AKAP13: variants seen among roughly 807,000 people sequenced by gnomAD.
AKAP13 encodes A-kinase anchor protein 13.
Under a neutral mutation model 264.5 loss-of-function variants are expected in AKAP13, and 80 were observed. The ratio of observed to expected loss-of-function variants is 0.30; its 90% CI spans 0.25 to 0.36. The LOEUF is 0.36. Ranked by LOEUF, AKAP13 falls within the 10% of genes least tolerant of loss-of-function variation. The pLI, the probability that AKAP13 is intolerant of heterozygous loss-of-function variation, is 1.00. For synonymous variants in AKAP13, 1,380 were observed against 1,250.2 expected (o/e 1.10, Z -2.19); for missense variants, 3,712 against 3,435.2 (o/e 1.08, Z -2.01).
intron 2 of AKAP13, among the ~76,000 whole-genome samples, chr15:85,491,423 G>A (rs2075719618): frequency 6.6e-6 from 1 of 150,714 alleles, no homozygotes; most frequent in South Asian, 2.1e-4. Context: ...GTCCTTTCTA[G>A]TTGTCATTAA....
At chr15:85,402,301 TC>T (rs1462766445) in intron 1 of AKAP13, among the ~76,000 whole-genome samples, 3 of 152,196 alleles carry the variant, frequency 2.0e-5, no homozygotes, top group Admixed American at 6.5e-5. Context: ...CGAAGACACT[TC>T]CATGGCCAAA....
At chr15:85,621,331 C>T (rs1017603964) in intron 8 of AKAP13, 9 of 152,158 alleles carry the variant, frequency 5.9e-5, no homozygotes, top group Non-Finnish European at 1.2e-4. Context: ...TGCTGGGCCT[C>T]GGCTGCCAGC....
chr15:85,443,112 T>G (rs1171632177), intron 1 of AKAP13, among the ~76,000 whole-genome samples: 1 of 152,148 alleles, frequency 6.6e-6, no homozygotes, highest in Non-Finnish European at 1.5e-5. Context: ...TTTCATGGTT[T>G]AAGAAAGATA....
At position 85,743,740 on chromosome 15, in the gene AKAP13, C is replaced by T. The variant is rs566268425; in HGVS notation, c.8307C>T (p.Ala2769=). The T allele has an allele frequency of 1.9e-6, 3 of 1,614,092 alleles. No individual in the cohort carries two copies. The highest frequency in any genetic ancestry group is 2.5e-6 in the Non-Finnish European group (3 of 1,180,006). ...GQSQAPASTS[A]STRLFGLTKP... The stretch of plus-strand genomic sequence containing the variant: ...GCCAGGCCCCTGCGTCCACCTCTGC[C>T]TCTACCCGCCTGTTTGGGTTAACAA... Residue 2769 remains alanine, a synonymous_variant, in exon 36 of 37, where the codon GCC becomes GCT. Transcript: ENST00000394518.
Position 85,546,321 on chromosome 15 carries a change from AACACACACACACACACAC to A in AKAP13, c.662+2388_662+2405del, listed in dbSNP as rs60271542. Among the ~76,000 whole-genome samples the A allele has an allele frequency of 1.2e-4, 18 of 145,176 alleles. 1 individual carries two copies. The highest frequency in any genetic ancestry group is 1.2e-3 in the Admixed American group (17 of 14,556). ...TAAATTTATATAATTGTTGTTACCA[AACACACACACACACACAC>A]ACACACACACACACACACACAGCCA... is the stretch of plus-strand genomic sequence containing the variant. On this transcript the variant is annotated intron_variant, in intron 5 of 36. Transcript: ENST00000394518.
chr15:85,381,521 CTTTTTTTTTTT>C (rs1168869870), intron 1 of AKAP13, among the ~76,000 whole-genome samples: 8 of 64,290 alleles, frequency 1.2e-4, no homozygotes, highest in South Asian at 6.7e-4. Flanking sequence ...CGGTTTACTG[CTTTTTTTTTTT>C]TTTTTTTTTT....
At chr15:85,636,615 AT>A (rs34550876) in intron 8 of AKAP13, among the ~76,000 whole-genome samples, 120 of 148,448 alleles carry the variant, frequency 8.1e-4, no homozygotes, top group Admixed American at 1.8e-3. Context: ...AATTTTGCTG[AT>A]TTTTTTTTTT....
Position 85,533,354 on chromosome 15 carries a change from A to G in AKAP13, c.182-230A>G, listed in dbSNP as rs12595088. Reference sequence around the variant, plus strand: ...TAGGCATGGTGAAAGCTGGGATACAAAGTTTTTTGTTTTTTGTTAAGGGAA... The same window carrying G: ...TAGGCATGGTGAAAGCTGGGATACAGAGTTTTTTGTTTTTTGTTAAGGGAA... On this transcript the variant is annotated intron_variant, in intron 3 of 36. Transcript: ENST00000394518. 1.3e-3 allele frequency among the ~76,000 whole-genome samples: 200 copies of G among 152,280 alleles called. 3 individuals carry two copies. The East Asian group carries it at 0.032, about 24-fold the overall frequency.
intron 1 of AKAP13, among the ~76,000 whole-genome samples, chr15:85,475,164 G>A (rs768348038): frequency 1.3e-5 from 2 of 152,108 alleles, no homozygotes; most frequent in African/African-American, 2.4e-5. Flanking sequence ...TCTCTTTGCC[G>A]GATATCTATT....
intron 1 of AKAP13, among the ~76,000 whole-genome samples, chr15:85,478,981 A>G (rs921808901): frequency 3.9e-4 from 60 of 152,202 alleles, no homozygotes; most frequent in Non-Finnish European, 1.2e-4. Flanking sequence ...CATGTGTACT[A>G]AGGTTCAAGA....
At chr15:85,692,113 C>T (rs541253158) in intron 16 of AKAP13, among the ~76,000 whole-genome samples, 3 of 152,118 alleles carry the variant, frequency 2.0e-5, no homozygotes, top group Non-Finnish European at 2.9e-5. Context: ...TTCTCCTATC[C>T]TCCCTGCCCT....
At chr15:85,571,891 G>T (rs1295280515) in intron 5 of AKAP13, among the ~76,000 whole-genome samples, 2 of 152,172 alleles carry the variant, frequency 1.3e-5, no homozygotes, top group African/African-American at 2.4e-5. Flanking sequence ...GTATCTAGAG[G>T]GACAAGGAAG....
chr15:85,616,141 C>T (rs2080926868), intron 8 of AKAP13, among the ~76,000 whole-genome samples: 1 of 152,108 alleles, frequency 6.6e-6, no homozygotes, highest in African/African-American at 2.4e-5. Context: ...TCCCCACACC[C>T]CCACAAAAAT....
intron 14 of AKAP13, among the ~76,000 whole-genome samples, chr15:85,680,586 C>T (rs900564637): frequency 3.3e-5 from 5 of 152,062 alleles, no homozygotes; most frequent in Non-Finnish European, 7.4e-5. Context: ...TAAATTTAGC[C>T]AGGTGCAATG....
intron 1 of AKAP13, among the ~76,000 whole-genome samples, chr15:85,397,214 A>G (rs184806932): frequency 5.3e-5 from 8 of 152,192 alleles, no homozygotes; most frequent in African/African-American, 1.7e-4. Flanking sequence ...TTGAAGGCCC[A>G]AAAACAACTG....
intron 1 of AKAP13, among the ~76,000 whole-genome samples, chr15:85,391,546 G>A (rs545229491): frequency 1.3e-5 from 2 of 149,982 alleles, no homozygotes; most frequent in Non-Finnish European, 3.0e-5. Flanking sequence ...GTGCAGTGGC[G>A]CGATCTCGGC....
chr15:85,645,743 G>T, intron 9 of AKAP13, 75 bp from the exon 10 acceptor site: 1 of 1,459,800 alleles, frequency 6.9e-7, no homozygotes, highest in Non-Finnish European at 9.1e-7. Flanking sequence ...GGGGTGAAAA[G>T]GAAGTGGTTC....
chr15:85,694,911 T>G (rs978017845), intron 17 of AKAP13, among the ~76,000 whole-genome samples: 1 of 152,180 alleles, frequency 6.6e-6, no homozygotes, highest in Admixed American at 6.5e-5. Flanking sequence ...ATGTTGGATA[T>G]CCCAAGTAAT....
intron 1 of AKAP13, among the ~76,000 whole-genome samples, chr15:85,382,802 G>C (rs931225306): frequency 6.6e-6 from 1 of 152,332 alleles, no homozygotes; most frequent in Admixed American, 6.5e-5. Context: ...ACATAGTGCA[G>C]GCACGGTACG....
Sources: allele counts gnomAD v4.1 joint callset (sites outside exome capture counted in the v4.1 genomes callset), GRCh38; gene constraint gnomAD v4.1.1; transcripts MANE v1.5; gene names NCBI Gene and HGNC (gene_info 2026-07-23, HGNC 2026-07-21).